The following DCC variants were observed in gnomAD, a reference collection of about 807,000 sequenced individuals.
The protein encoded by DCC is DCC netrin 1 receptor.
Under a neutral mutation model 172.5 loss-of-function variants are expected in DCC, and 58 were observed. The observed-to-expected ratio is 0.34, with a 90% CI of 0.27 to 0.42. The LOEUF is 0.42. Ranked by LOEUF, DCC falls within the 10% of genes least tolerant of loss-of-function variation. The pLI, the probability that DCC is intolerant of heterozygous loss-of-function variation, is 1.00. For synonymous variants in DCC, 709 were observed against 644.5 expected (o/e 1.10, Z -1.52); for missense variants, 1,740 against 1,791.0 (o/e 0.97, Z 0.51).
At chr18:52,732,432 C>A (rs1425800335) in intron 1 of DCC, among the ~76,000 whole-genome samples, 1 of 152,112 alleles carries the variant, frequency 6.6e-6, no homozygotes, top group East Asian at 1.9e-4. Flanking sequence ...ATATTCACAA[C>A]TATTATTACG....
chr18:52,755,685 C>T (rs1336756195), intron 2 of DCC, among the ~76,000 whole-genome samples: 1 of 152,120 alleles, frequency 6.6e-6, no homozygotes, highest in Non-Finnish European at 1.5e-5. Flanking sequence ...AAACCAGTCA[C>T]CACTAAATGG....
chr18:52,961,256 C>T (rs959747647), intron 5 of DCC, among the ~76,000 whole-genome samples: 2 of 152,002 alleles, frequency 1.3e-5, no homozygotes, highest in African/African-American at 4.8e-5. Flanking sequence ...CAAACCTGCA[C>T]GTTGTGCACA....
At chr18:52,379,388 T>C (rs1985490927) in intron 1 of DCC, among the ~76,000 whole-genome samples, 1 of 152,166 alleles carries the variant, frequency 6.6e-6, no homozygotes, top group Non-Finnish European at 1.5e-5. Flanking sequence ...GTGATCTTAG[T>C]ATGGTTACTT....
chr18:52,862,555 G>T (rs1183495459), intron 2 of DCC, among the ~76,000 whole-genome samples: 2 of 151,830 alleles, frequency 1.3e-5, no homozygotes, highest in African/African-American at 4.8e-5. Context: ...AAAATTAGCC[G>T]GGCATGGTGG....
chr18:52,840,464 C>T (rs2038784589), intron 2 of DCC, among the ~76,000 whole-genome samples: 1 of 152,108 alleles, frequency 6.6e-6, no homozygotes, highest in Non-Finnish European at 1.5e-5. Context: ...TCAGTAACAC[C>T]AATATTTGTA....
At chr18:52,583,579 C>G (rs1262101206) in intron 1 of DCC, among the ~76,000 whole-genome samples, 1 of 152,036 alleles carries the variant, frequency 6.6e-6, no homozygotes, top group Non-Finnish European at 1.5e-5. Flanking sequence ...TAAATATTCC[C>G]TGAATAATTA....
chr18:52,567,432 C>T (rs2033185176), intron 1 of DCC, among the ~76,000 whole-genome samples: 1 of 152,092 alleles, frequency 6.6e-6, no homozygotes, highest in African/African-American at 2.4e-5. Context: ...GCCGTACTGC[C>T]ATGGCTGACA....
At position 52,564,973 on chromosome 18, in the gene DCC, A is replaced by T. The variant is rs116243526; in HGVS notation, c.92-187081A>T. Among the ~76,000 whole-genome samples the T allele has an allele frequency of 5.0e-3, 758 of 152,158 alleles. 1 individual carries two copies. The highest frequency in any genetic ancestry group is 0.016 in the African/African-American group (670 of 41,510). ...GCTGATCTCTCACACTGCTTGCGAA[A>T]GGGAAGCATGTTGAAATTAGAGGGA... On this transcript the variant is annotated intron_variant, in intron 1 of 28. Coordinates refer to ENST00000442544, the MANE Select transcript of DCC (RefSeq NM_005215.4).
At chr18:52,790,308 A>G (rs2037737556) in intron 2 of DCC, among the ~76,000 whole-genome samples, 2 of 152,210 alleles carry the variant, frequency 1.3e-5, no homozygotes, top group Admixed American at 6.5e-5. Context: ...ACAGAAAGAC[A>G]CACAAAGCAC....
chr18:53,346,038 G>A lies in DCC; in HGVS notation c.2359+6131G>A, dbSNP rs367716132. On this transcript the variant is annotated intron_variant, in intron 15 of 28. Transcript: ENST00000442544. ...AGATGACATGTGGTTCTGTTGGCCAGGTTGGAGTACAGTGGAGCTCTCATG... is the reference window on the plus strand; with the variant it reads ...AGATGACATGTGGTTCTGTTGGCCAAGTTGGAGTACAGTGGAGCTCTCATG... 1.1e-4 allele frequency among the ~76,000 whole-genome samples: 16 copies of A among 152,098 alleles called. No homozygotes were observed. The East Asian group carries it at 1.9e-3, about 18-fold the overall frequency.
intron 1 of DCC, among the ~76,000 whole-genome samples, chr18:52,490,280 A>T (rs940485222): frequency 3.9e-5 from 6 of 152,108 alleles, no homozygotes; most frequent in Non-Finnish European, 8.8e-5. Flanking sequence ...ATAAAATAGG[A>T]AGTTTTCCTC....
At chr18:52,602,184 A>G (rs1283308357) in intron 1 of DCC, among the ~76,000 whole-genome samples, 9 of 152,100 alleles carry the variant, frequency 5.9e-5, no homozygotes, top group Admixed American at 5.9e-4. Context: ...TTACTTGAAT[A>G]TATGATTATT....
intron 2 of DCC, among the ~76,000 whole-genome samples, chr18:52,770,730 A>T (rs1248177283): frequency 6.6e-6 from 1 of 152,168 alleles, no homozygotes; most frequent in African/African-American, 2.4e-5. Flanking sequence ...GAAAAGTCAA[A>T]AGACTTTAGT....
At position 53,144,127 on chromosome 18, in the gene DCC, T is replaced by C. The variant is rs1268951273; in HGVS notation, c.1262-13229T>C. 3.3e-5 allele frequency among the ~76,000 whole-genome samples: 5 copies of C among 152,356 alleles called. No individual in the cohort carries two copies. In the East Asian group the frequency reaches 7.7e-4, roughly 24 times the overall value. On this transcript the variant is annotated intron_variant, in intron 7 of 28. Transcript: ENST00000442544. Reference sequence around the variant, plus strand: ...TTTGAATAGGTTGATATGTAACAGCTCTGCATATTAGGGATGTTAATGCTT... The same window carrying C: ...TTTGAATAGGTTGATATGTAACAGCCCTGCATATTAGGGATGTTAATGCTT...
intron 1 of DCC, among the ~76,000 whole-genome samples, chr18:52,510,182 C>CCA (rs1359743496): frequency 2.0e-5 from 3 of 151,816 alleles, no homozygotes; most frequent in Non-Finnish European, 4.4e-5. Context: ...ACTCCTTGGT[C>CCA]CATTCAGCTT....
intron 12 of DCC, among the ~76,000 whole-genome samples, chr18:53,281,762 A>ATTT (rs754969859): frequency 6.2e-4 from 71 of 115,282 alleles, no homozygotes; most frequent in African/African-American, 1.7e-3. Flanking sequence ...TTAATGGGGG[A>ATTT]TTTTTTTTTT....
intron 8 of DCC, among the ~76,000 whole-genome samples, chr18:53,162,379 C>T (rs1407981365): frequency 2.6e-5 from 4 of 151,924 alleles, no homozygotes; most frequent in Non-Finnish European, 5.9e-5. Flanking sequence ...TAAGTACAAC[C>T]AAGTCTCATT....
chr18:53,479,366 T>C (rs150153117), intron 25 of DCC, among the ~76,000 whole-genome samples: 1 of 152,318 alleles, frequency 6.6e-6, no homozygotes, highest in African/African-American at 2.4e-5. Context: ...TCATTATGCA[T>C]TATGCAATGT....
chr18:52,785,574 AG>A (rs1442366582), intron 2 of DCC, among the ~76,000 whole-genome samples: 7 of 152,002 alleles, frequency 4.6e-5, no homozygotes, highest in African/African-American at 1.7e-4. Flanking sequence ...GGTCAATCTA[AG>A]GGTCCTCAGA....
Sources: gnomAD v4.1 joint callset for allele counts (sites outside exome capture counted in the v4.1 genomes callset) on GRCh38, gnomAD v4.1.1 for gene constraint, MANE v1.5 for transcripts, NCBI Gene and HGNC (gene_info 2026-07-23, HGNC 2026-07-21) for gene names.